ARB2A: variants seen among roughly 807,000 people sequenced by gnomAD.
ARB2A encodes ARB2 cotranscriptional regulator A, also known as cotranscriptional regulator ARB2A.
At chr5:93,895,358 G>A in the ARB2A span, among the ~76,000 whole-genome samples, 1 of 152,148 alleles carries the variant, frequency 6.6e-6, no homozygotes, top group African/African-American at 2.4e-5. Flanking sequence ...GTAAGCATTT[G>A]AAAAGAACTT....
At chr5:94,097,845 C>G in the ARB2A span, among the ~76,000 whole-genome samples, 12 of 151,032 alleles carry the variant, frequency 7.9e-5, 1 homozygote, top group African/African-American at 2.9e-4. Flanking sequence ...CCCTCCCCCC[C>G]ACCACCCCAC....
At chr5:93,895,733 T>G in the ARB2A span, among the ~76,000 whole-genome samples, 2 of 152,020 alleles carry the variant, frequency 1.3e-5, no homozygotes, top group Non-Finnish European at 2.9e-5. Context: ...ATATGATAAA[T>G]CTCTAAAGTG....
the ARB2A span, among the ~76,000 whole-genome samples, chr5:94,015,744 A>G: frequency 6.6e-6 from 1 of 152,284 alleles, no homozygotes. Context: ...AATTTGCTAT[A>G]AGATTTTTTT....
the ARB2A span, among the ~76,000 whole-genome samples, chr5:93,949,844 T>C: frequency 6.6e-6 from 1 of 152,122 alleles, no homozygotes; most frequent in Non-Finnish European, 1.5e-5. Flanking sequence ...TCTATCTCCC[T>C]GAGTTAAACT....
the ARB2A span, among the ~76,000 whole-genome samples, chr5:94,047,339 A>C: frequency 4.6e-5 from 7 of 151,986 alleles, no homozygotes; most frequent in Non-Finnish European, 4.4e-5. Flanking sequence ...TAAAAATACA[A>C]AAATTAGCCA....
At chr5:94,103,942 T>C in the ARB2A span, among the ~76,000 whole-genome samples, 2 of 151,554 alleles carry the variant, frequency 1.3e-5, no homozygotes, top group South Asian at 2.1e-4. Flanking sequence ...CAGAATTCAA[T>C]AAATTTTTTG....
At chr5:93,701,420 G>C in the ARB2A span, among the ~76,000 whole-genome samples, 2 of 152,048 alleles carry the variant, frequency 1.3e-5, no homozygotes, top group South Asian at 4.1e-4. Context: ...ATAGGTTATT[G>C]ACTGATTTTT....
chr5:94,093,354 T>A, the ARB2A span, among the ~76,000 whole-genome samples: 207 of 152,164 alleles, frequency 1.4e-3, 6 homozygotes, highest in Admixed American at 5.9e-4. Flanking sequence ...TTTGTTTTCT[T>A]ACAGTCTGGA....
chr5:93,676,921 C>T, the ARB2A span, among the ~76,000 whole-genome samples: 259 of 152,236 alleles, frequency 1.7e-3, 1 homozygote, highest in African/African-American at 6.0e-3. Flanking sequence ...CAATTTCCCA[C>T]GCCATGTCAC....
chr5:93,928,640 A>G, the ARB2A span, among the ~76,000 whole-genome samples: 1 of 152,162 alleles, frequency 6.6e-6, no homozygotes, highest in Non-Finnish European at 1.5e-5. Context: ...TTTAGATCGT[A>G]AGAGTTAAGT....
chr5:93,825,966 T>C, the ARB2A span, among the ~76,000 whole-genome samples: 1 of 151,990 alleles, frequency 6.6e-6, no homozygotes, highest in Non-Finnish European at 1.5e-5. Flanking sequence ...AAGCATTTTC[T>C]ATACAGATTT....
chr5:94,034,611 C>A, the ARB2A span, among the ~76,000 whole-genome samples: 1 of 152,110 alleles, frequency 6.6e-6, no homozygotes, highest in Admixed American at 6.5e-5. Flanking sequence ...TCAGTAAGAA[C>A]CCTTATTCTG....
chr5:93,638,694 TG>T, the ARB2A span, among the ~76,000 whole-genome samples: 10 of 151,154 alleles, frequency 6.6e-5, no homozygotes, highest in Non-Finnish European at 1.5e-4. Context: ...CCAGGTGTGG[TG>T]GTGCATGCCT....
At chr5:93,920,500 A>G in the ARB2A span, among the ~76,000 whole-genome samples, 1 of 152,166 alleles carries the variant, frequency 6.6e-6, no homozygotes, top group Admixed American at 6.6e-5. Context: ...TGACAATTTC[A>G]GAAAACTTAC....
chr5:93,831,231 T>G, the ARB2A span, among the ~76,000 whole-genome samples: 1 of 151,668 alleles, frequency 6.6e-6, no homozygotes, highest in Non-Finnish European at 1.5e-5. Context: ...CTTGTTCTAG[T>G]CTTTCCCTTT....
the ARB2A span, among the ~76,000 whole-genome samples, chr5:93,838,520 T>C: frequency 6.6e-6 from 1 of 151,992 alleles, no homozygotes; most frequent in African/African-American, 2.4e-5. Context: ...AAATAGTTCT[T>C]TTTCTGTGAC....
chr5:93,964,535 A>T, the ARB2A span: 1 of 1,551,136 alleles, frequency 6.4e-7, no homozygotes, highest in East Asian at 2.3e-5. Context: ...TAAGTAGGAA[A>T]GAAATAACAC....
the ARB2A span, among the ~76,000 whole-genome samples, chr5:93,821,238 A>G: frequency 6.6e-6 from 1 of 152,136 alleles, no homozygotes; most frequent in East Asian, 1.9e-4. Flanking sequence ...CTTGTAGGAC[A>G]GTGGTAGAAA....
chr5:93,862,444 CTT>C, the ARB2A span: 1 of 152,168 alleles, frequency 6.6e-6, no homozygotes, highest in South Asian at 2.1e-4. Context: ...GCTAAACAGA[CTT>C]TTATTCAAGC....
Sources: allele counts gnomAD v4.1 joint callset (sites outside exome capture counted in the v4.1 genomes callset), GRCh38; gene constraint gnomAD v4.1.1; transcripts MANE v1.5; gene names NCBI Gene and HGNC (gene_info 2026-07-23, HGNC 2026-07-21).